The following GABRA4 variants were observed in gnomAD, a reference collection of about 807,000 sequenced individuals.
The protein encoded by GABRA4 is gamma-aminobutyric acid receptor subunit alpha-4.
Under a neutral mutation model 49.7 loss-of-function variants are expected in GABRA4, and 12 were observed. That is an observed-to-expected ratio of 0.24 (90% CI 0.15 to 0.39). The LOEUF (loss-of-function observed/expected upper bound fraction) is 0.39. Ranked by LOEUF, GABRA4 falls within the 10% of genes least tolerant of loss-of-function variation. The pLI is 1.00. For missense variants in GABRA4, 506 were observed against 686.0 expected, an observed-to-expected ratio of 0.74 and a Z score of 2.93; for synonymous variants, 288 against 240.2, an observed-to-expected ratio of 1.20 and a Z score of -1.84.
intron 8 of GABRA4, among the ~76,000 whole-genome samples, chr4:46,946,949 G>A (rs1459329673): frequency 6.6e-6 from 1 of 151,928 alleles, no homozygotes; most frequent in Non-Finnish European, 1.5e-5. Context: ...GTTATGCCGT[G>A]GAAGCCTGCT....
intron 8 of GABRA4, among the ~76,000 whole-genome samples, chr4:46,963,004 C>T (rs1173141734): frequency 1.3e-5 from 2 of 151,726 alleles, no homozygotes; most frequent in Non-Finnish European, 2.9e-5. Flanking sequence ...TACAAGAAAA[C>T]ATTGAGGGAA....
At chr4:46,930,507 T>C (rs545745061) in intron 8 of GABRA4, among the ~76,000 whole-genome samples, 1 of 151,650 alleles carries the variant, frequency 6.6e-6, no homozygotes, top group African/African-American at 2.4e-5. Flanking sequence ...CATACACACA[T>C]GATACAATAA....
intron 2 of GABRA4, among the ~76,000 whole-genome samples, chr4:46,982,610 C>T (rs1031285545): frequency 6.6e-6 from 1 of 152,024 alleles, no homozygotes; most frequent in African/African-American, 2.4e-5. Flanking sequence ...TTTCCTGGAG[C>T]TTTCTTCTTC....
intron 2 of GABRA4, among the ~76,000 whole-genome samples, chr4:46,986,801 C>G (rs1322698680): frequency 6.6e-6 from 1 of 152,080 alleles, no homozygotes; most frequent in Non-Finnish European, 1.5e-5. Context: ...CTCCATTTTT[C>G]TAGGTGTTCA....
At chr4:46,933,187 TAA>T (rs1218912096) in intron 8 of GABRA4, among the ~76,000 whole-genome samples, 2 of 152,104 alleles carry the variant, frequency 1.3e-5, no homozygotes, top group African/African-American at 4.8e-5. Flanking sequence ...AGCTAGAGTA[TAA>T]AGACTGTCTT....
At chr4:46,945,476 T>C (rs1721952808) in intron 8 of GABRA4, among the ~76,000 whole-genome samples, 1 of 152,116 alleles carries the variant, frequency 6.6e-6, no homozygotes, top group Non-Finnish European at 1.5e-5. Flanking sequence ...TGATAGCTTG[T>C]TTAACAAGGA....
At chr4:46,958,352 A>G (rs956298214) in intron 8 of GABRA4, among the ~76,000 whole-genome samples, 1 of 151,990 alleles carries the variant, frequency 6.6e-6, no homozygotes, top group Admixed American at 6.6e-5. Context: ...TTTTTTCATA[A>G]GATACAGTGT....
intron 8 of GABRA4, 55 bp from the exon 9 acceptor site, chr4:46,928,810 C>T: frequency 7.9e-7 from 1 of 1,262,090 alleles, no homozygotes; most frequent in Non-Finnish European, 1.1e-6. Context: ...CAGATTTGTA[C>T]AAAATTTAAA....
At chr4:46,963,951 T>C (rs1373449441) in intron 8 of GABRA4, among the ~76,000 whole-genome samples, 1 of 151,854 alleles carries the variant, frequency 6.6e-6, no homozygotes, top group Non-Finnish European at 1.5e-5. Context: ...CAGAGAGATA[T>C]CTGCACTCCT....
chr4:46,972,934 T>C (rs1183368256), intron 6 of GABRA4, among the ~76,000 whole-genome samples: 2 of 151,760 alleles, frequency 1.3e-5, no homozygotes, highest in Non-Finnish European at 2.9e-5. Flanking sequence ...CATTTTCTAC[T>C]AATGCAGTCT....
chr4:46,956,080 T>C (rs941182714), intron 8 of GABRA4, among the ~76,000 whole-genome samples: 1 of 152,100 alleles, frequency 6.6e-6, no homozygotes, highest in Non-Finnish European at 1.5e-5. Context: ...AGTTCTAATA[T>C]ATTGGGCACT....
chr4:46,924,900 T>G lies in GABRA4; in HGVS notation c.*3325A>C, dbSNP rs1721157410. The G allele has an allele frequency of 6.6e-6, 1 of 151,998 alleles. No individual in the cohort carries two copies. The highest frequency in any genetic ancestry group is 1.5e-5 in the Non-Finnish European group (1 of 67,906). The allele number at this position is 151,998 out of a possible 1,614,324, so 9.4% of individuals were successfully genotyped here. On this transcript the variant is annotated 3_prime_UTR_variant, in exon 9 of 9. Transcript: ENST00000264318. ...AATGAGGAATCAGTCTTAGAGAGGTTAAGAGACTTGTTTAAAACCACAAGA... is the reference window on the plus strand; with the variant it reads ...AATGAGGAATCAGTCTTAGAGAGGTGAAGAGACTTGTTTAAAACCACAAGA...
chr4:46,969,315 T>A (rs1722871113), intron 7 of GABRA4, among the ~76,000 whole-genome samples: 1 of 151,484 alleles, frequency 6.6e-6, no homozygotes, highest in African/African-American at 2.4e-5. Flanking sequence ...AACTTCTGGG[T>A]TTTCCTTTAA....
chr4:46,992,702 A>G (rs1464403056), intron 2 of GABRA4, 126 bp downstream of exon 2: 2 of 737,024 alleles, frequency 2.7e-6, no homozygotes, highest in Non-Finnish European at 2.4e-6. Flanking sequence ...GAGAGGAGAG[A>G]TAGAAAGAGA....
intron 8 of GABRA4, among the ~76,000 whole-genome samples, chr4:46,955,841 T>C (rs984000435): frequency 1.3e-5 from 2 of 152,112 alleles, no homozygotes; most frequent in South Asian, 2.1e-4. Flanking sequence ...TACTTTTATA[T>C]AGTAAATACA....
At chr4:46,957,351 A>C (rs964464274) in intron 8 of GABRA4, among the ~76,000 whole-genome samples, 1 of 151,984 alleles carries the variant, frequency 6.6e-6, no homozygotes, top group African/African-American at 2.4e-5. Context: ...TCTTTTCTTA[A>C]GGAGTCTAAG....
At chr4:46,987,223 T>C (rs1577797565) in intron 2 of GABRA4, among the ~76,000 whole-genome samples, 1 of 149,506 alleles carries the variant, frequency 6.7e-6, no homozygotes, top group South Asian at 2.2e-4. Flanking sequence ...ACAGGGACCC[T>C]GACTTCCCCA....
intron 8 of GABRA4, among the ~76,000 whole-genome samples, chr4:46,940,260 CTGAT>C (rs1314105776): frequency 6.6e-6 from 1 of 152,040 alleles, no homozygotes; most frequent in African/African-American, 2.4e-5. Context: ...TATGGTAAAA[CTGAT>C]TGAAACATTT....
intron 8 of GABRA4, among the ~76,000 whole-genome samples, chr4:46,951,228 T>C (rs1298707344): frequency 6.6e-6 from 1 of 151,570 alleles, no homozygotes; most frequent in East Asian, 1.9e-4. Context: ...TGAATGGGTT[T>C]GTGGGACTTT....
Sources: gnomAD v4.1 joint callset for allele counts (sites outside exome capture counted in the v4.1 genomes callset) on GRCh38, gnomAD v4.1.1 for gene constraint, MANE v1.5 for transcripts, NCBI Gene and HGNC (gene_info 2026-07-23, HGNC 2026-07-21) for gene names.